KIF24: variants seen among roughly 807,000 people sequenced by gnomAD.
KIF24 encodes kinesin family member 24, also known as kinesin-like protein KIF24.
KIF24 carries 81 observed loss-of-function variants against 118.9 expected under a neutral mutation model. The observed-to-expected ratio is 0.68, with a 90% CI of 0.57 to 0.82. KIF24 has a LOEUF of 0.82. KIF24 is among the 40% of genes least tolerant of loss of function. The pLI, the probability that KIF24 is intolerant of heterozygous loss-of-function variation, is 0.00. For missense variants in KIF24, 1,560 were observed against 1,661.6 expected, an observed-to-expected ratio of 0.94 and a Z score of 1.06; for synonymous variants, 599 against 610.0, an observed-to-expected ratio of 0.98 and a Z score of 0.27.
Position 34,310,930 on chromosome 9 carries a change from G to T in KIF24, c.417C>A (p.His139Gln), listed in dbSNP as rs756433241. 2 of 1,613,368 alleles carry T rather than the reference G, an allele frequency of 1.2e-6. No individual in the cohort carries two copies. The highest frequency in any genetic ancestry group is 1.7e-6 in the Non-Finnish European group (2 of 1,179,306). Residue 139 changes from histidine to glutamine, a missense_variant, in exon 2 of 13, where the codon CAC (histidine) becomes CAA (glutamine). His to Gln is a conservative substitution (Grantham distance 24). Around this residue, in one of 3 missense-constraint regions of KIF24, gnomAD observed 964 missense variants for 988.0 expected, o/e 0.98. Coordinates refer to ENST00000402558, the MANE Select transcript of KIF24 (RefSeq NM_194313.4). ...GGTACTGGGAATCATCTGGTAGCAT[G>T]TGTTCTAGCACTTTTAGGTAAGTGG... ...QKSTYLKVLE[H>Q]MLPDDSQYHT...
chr9:34,329,999 T>C (rs765135854), upstream of KIF24, among the ~76,000 whole-genome samples: 1 of 152,268 alleles, frequency 6.6e-6, no homozygotes, highest in Non-Finnish European at 1.5e-5. Context: ...ATTTTATGTT[T>C]TCTAATTGCT....
chr9:34,332,530 C>T (rs1255318533), upstream of KIF24, among the ~76,000 whole-genome samples: 1 of 152,150 alleles, frequency 6.6e-6, no homozygotes, highest in Non-Finnish European at 1.5e-5. Flanking sequence ...GACAAATTCC[C>T]CGAGTTAGCT....
At chr9:34,282,134 A>C (rs1231648038) in intron 6 of KIF24, among the ~76,000 whole-genome samples, 6 of 152,214 alleles carry the variant, frequency 3.9e-5, no homozygotes, top group Non-Finnish European at 7.3e-5. Context: ...AAACAACCCA[A>C]ATGTCTATCA....
chr9:34,313,375 A>G (rs1837230359), intron 1 of KIF24, among the ~76,000 whole-genome samples: 1 of 152,188 alleles, frequency 6.6e-6, no homozygotes, highest in Admixed American at 6.5e-5. Context: ...TAAAATGATA[A>G]TTGTTTTAAG....
At chr9:34,302,582 C>G (rs1836761968) in intron 3 of KIF24, among the ~76,000 whole-genome samples, 1 of 151,878 alleles carries the variant, frequency 6.6e-6, no homozygotes, top group Admixed American at 6.6e-5. Context: ...TCTCCTGCCT[C>G]AGCCTCCCAA....
chr9:34,307,384 T>C (rs1836964928), intron 2 of KIF24, among the ~76,000 whole-genome samples: 1 of 151,360 alleles, frequency 6.6e-6, no homozygotes, highest in Non-Finnish European at 1.5e-5. Context: ...ATTTTTTTAC[T>C]GGGATCTGAA....
At chr9:34,322,788 G>A (rs999857235) in intron 1 of KIF24, among the ~76,000 whole-genome samples, 2 of 152,004 alleles carry the variant, frequency 1.3e-5, no homozygotes, top group African/African-American at 4.8e-5. Flanking sequence ...CCTGGGAGGC[G>A]GAGGTTGCAG....
intron 4 of KIF24, 79 bp downstream of exon 4, chr9:34,296,938 A>C: frequency 1.5e-6 from 1 of 686,962 alleles, no homozygotes. Flanking sequence ...ACTGAAAAGC[A>C]TGTGATATTT....
intron 11 of KIF24, among the ~76,000 whole-genome samples, chr9:34,255,415 A>T (rs10972025): frequency 0.32 from 49,290 of 151,820 alleles, 9,801 homozygotes; most frequent in Non-Finnish European, 0.45. Flanking sequence ...CTGCCTCCCC[A>T]GCTGTACTGA....
At chr9:34,304,899 T>C (rs1836854570) in intron 3 of KIF24, among the ~76,000 whole-genome samples, 1 of 152,154 alleles carries the variant, frequency 6.6e-6, no homozygotes, top group Non-Finnish European at 1.5e-5. Flanking sequence ...ACCAGATTTT[T>C]TTTTCTTCCT....
intron 2 of KIF24, among the ~76,000 whole-genome samples, chr9:34,309,954 A>G (rs1186024108): frequency 7.0e-6 from 1 of 142,724 alleles, no homozygotes; most frequent in Non-Finnish European, 1.5e-5. Context: ...AATGTTTAAA[A>G]TAAAACAAGG....
intron 4 of KIF24, among the ~76,000 whole-genome samples, chr9:34,291,994 G>T (rs1018669084): frequency 7.9e-5 from 12 of 152,084 alleles, no homozygotes; most frequent in African/African-American, 2.9e-4. Flanking sequence ...TGGGCTCATG[G>T]TCTTCACCTT....
intron 10 of KIF24, among the ~76,000 whole-genome samples, chr9:34,258,664 C>T (rs1378374699): frequency 2.0e-5 from 3 of 152,168 alleles, no homozygotes; most frequent in Non-Finnish European, 2.9e-5. Context: ...CTCAGGAGTT[C>T]GTGTCCACCA....
intron 1 of KIF24, among the ~76,000 whole-genome samples, chr9:34,316,559 C>T (rs772504238): frequency 3.3e-5 from 5 of 152,152 alleles, no homozygotes; most frequent in African/African-American, 1.2e-4. Flanking sequence ...CTGAACACTT[C>T]ATATGGTTTA....
intron 9 of KIF24, among the ~76,000 whole-genome samples, chr9:34,262,698 A>ATATATG (rs1835135295): frequency 1.3e-5 from 1 of 77,934 alleles, no homozygotes; most frequent in African/African-American, 5.4e-5. Flanking sequence ...ATATATATAT[A>ATATATG]TATATATATA....
intron 2 of KIF24, among the ~76,000 whole-genome samples, chr9:34,309,501 A>T (rs1837055870): frequency 1.4e-5 from 2 of 147,334 alleles, no homozygotes; most frequent in Non-Finnish European, 3.0e-5. Flanking sequence ...AGATTGCACC[A>T]CTGCACTCCA....
chr9:34,257,530 C>A lies in KIF24; in HGVS notation c.2077G>T (p.Gly693Cys). The A allele has an allele frequency of 6.2e-7, 1 of 1,614,094 alleles. No homozygotes were observed. The highest frequency in any genetic ancestry group is 8.5e-7 in the Non-Finnish European group (1 of 1,179,906). ...WESRASGPGE[G>C]LVRGKLSTKC... ...GTGGACAGCTTACCACGCACTAGGCCTTCTCCTGGGCCTGAGGCCCTGCTT... is the reference window on the plus strand; with the variant it reads ...GTGGACAGCTTACCACGCACTAGGCATTCTCCTGGGCCTGAGGCCCTGCTT... The change falls in exon 11 of 13, where the codon GGC becomes TGC. Residue 693 changes from glycine (G) to cysteine (C), a missense_variant. This residue lies in a region of KIF24 where 964 missense variants were observed against 988.0 expected (regional missense o/e 0.98). Coordinates refer to ENST00000402558, the MANE Select transcript of KIF24 (RefSeq NM_194313.4).
intron 10 of KIF24, among the ~76,000 whole-genome samples, chr9:34,258,244 G>C (rs906184293): frequency 6.6e-6 from 1 of 152,126 alleles, no homozygotes; most frequent in Non-Finnish European, 1.5e-5. Flanking sequence ...TGAGGCAGGA[G>C]GACTGTTTGA....
Position 34,257,885 on chromosome 9 carries a change from G to A in KIF24, c.1722C>T (p.Ser574=). Residue 574 remains serine (S), a synonymous_variant, in exon 11 of 13, where the codon TCC becomes TCT. Transcript: ENST00000402558. ...GNSSPKRIQS[S]PGALSEDKCS... is the part of the protein sequence containing the mutation. ...ATTTGTCCTCTGACAAAGCCCCAGG[G>A]GAGCTCTGAATTCGTTTTGGAGAGG... The A allele has an allele frequency of 1.2e-6, 2 of 1,614,002 alleles. No individual in the cohort carries two copies. The highest frequency in any genetic ancestry group is 1.7e-6 in the Non-Finnish European group (2 of 1,179,902).
Sources: gnomAD v4.1 joint callset for allele counts (sites outside exome capture counted in the v4.1 genomes callset) on GRCh38, gnomAD v4.1.1 for gene constraint, gnomAD v4.1.1 regional missense constraint, MANE v1.5 for transcripts, NCBI Gene and HGNC (gene_info 2026-07-23, HGNC 2026-07-21) for gene names.